The following PRH1 variants were observed in gnomAD, a reference collection of about 807,000 sequenced individuals.
The protein encoded by PRH1 is salivary acidic proline-rich phosphoprotein 1/2.
Under a neutral mutation model 7.9 loss-of-function variants are expected in PRH1, and 7 were observed. The ratio of observed to expected loss-of-function variants is 0.89; its 90% CI spans 0.50 to 1.67. The LOEUF is 1.67. PRH1 is among the 40% of genes most tolerant of loss of function. PRH1 has a pLI of 0.00. For synonymous variants in PRH1, 45 were observed against 80.8 expected, an observed-to-expected ratio of 0.56 and a Z score of 2.38; for missense variants, 109 against 223.6, an observed-to-expected ratio of 0.49 and a Z score of 3.27.
At chr12:11,157,142 G>T (rs564113260) in intron 1 of PRH1, among the ~76,000 whole-genome samples, 1 of 152,276 alleles carries the variant, frequency 6.6e-6, no homozygotes, top group Middle Eastern at 3.4e-3. Context: ...GTCAAGAATA[G>T]AATAAAAGTG....
intron 1 of PRH1, among the ~76,000 whole-genome samples, chr12:11,163,832 T>G (rs1947488853): frequency 6.6e-6 from 1 of 152,062 alleles, no homozygotes; most frequent in Non-Finnish European, 1.5e-5. Flanking sequence ...GTTTCTAAAA[T>G]CTCACATTTG....
At chr12:10,998,627 T>C (rs1940423061) in intron 1 of PRH1, among the ~76,000 whole-genome samples, 1 of 152,078 alleles carries the variant, frequency 6.6e-6, no homozygotes, top group Admixed American at 6.6e-5. Flanking sequence ...CAGGAGCTCG[T>C]CCTGGTGGAA....
intron 2 of PRH1, among the ~76,000 whole-genome samples, chr12:10,940,668 T>A (rs1392817889): frequency 6.6e-6 from 1 of 152,202 alleles, no homozygotes; most frequent in Non-Finnish European, 1.5e-5. Context: ...AAGGATGACA[T>A]ACTGTCTAGC....
intron 2 of PRH1, among the ~76,000 whole-genome samples, chr12:10,928,171 TGAGA>T (rs1371461240): frequency 5.9e-5 from 9 of 152,142 alleles, no homozygotes; most frequent in Admixed American, 3.9e-4. Flanking sequence ...AGAAAGAGAA[TGAGA>T]AAGAATTAGT....
chr12:11,019,717 G>C (rs749526178), intron 1 of PRH1, among the ~76,000 whole-genome samples: 25 of 152,284 alleles, frequency 1.6e-4, no homozygotes, highest in Admixed American at 4.6e-4. Flanking sequence ...CAGTTGCAAA[G>C]TTTGCTAGCT....
intron 1 of PRH1, among the ~76,000 whole-genome samples, chr12:11,020,498 C>T (rs796666118): frequency 0.028 from 614 of 21,980 alleles, no homozygotes; most frequent in East Asian, 0.2. Context: ...AGAATTAACA[C>T]AGTCACACAG....
At chr12:11,042,390 T>A (rs1942741193) in intron 1 of PRH1, among the ~76,000 whole-genome samples, 1 of 143,994 alleles carries the variant, frequency 6.9e-6, no homozygotes, top group African/African-American at 2.6e-5. Flanking sequence ...CCTAGACACA[T>A]ACAACCTACA....
intron 1 of PRH1, among the ~76,000 whole-genome samples, chr12:11,014,838 C>G (rs1169917328): frequency 1.3e-5 from 2 of 152,040 alleles, no homozygotes; most frequent in African/African-American, 4.8e-5. Context: ...AGGGCTCTTA[C>G]AGTAGATAGT....
chr12:10,980,605 A>C (rs780966972), intron 1 of PRH1, among the ~76,000 whole-genome samples: 1 of 152,112 alleles, frequency 6.6e-6, no homozygotes, highest in Non-Finnish European at 1.5e-5. Flanking sequence ...AATCAGCCTT[A>C]TTCCTCTCTA....
At chr12:11,051,840 A>G (rs377056481), upstream of PRH1, among the ~76,000 whole-genome samples, 3 of 152,060 alleles carry the variant, frequency 2.0e-5, no homozygotes, top group East Asian at 1.9e-4. Context: ...TCACTTCTCT[A>G]TGTTTTTTCA....
intron 1 of PRH1, among the ~76,000 whole-genome samples, chr12:11,005,730 T>C (rs138152658): frequency 2.4e-3 from 371 of 152,180 alleles, no homozygotes; most frequent in African/African-American, 8.6e-3. Flanking sequence ...CAGGTTGAAA[T>C]AGCCCTATTT....
intron 1 of PRH1, among the ~76,000 whole-genome samples, chr12:11,065,366 T>C (rs1943763021): frequency 6.7e-6 from 1 of 148,770 alleles, no homozygotes; most frequent in Non-Finnish European, 1.5e-5. Flanking sequence ...TTTACCACTT[T>C]TGGAAAAATC....
chr12:10,971,129 A>G (rs11054121), intron 2 of PRH1, among the ~76,000 whole-genome samples: 36,068 of 151,382 alleles, frequency 0.24, 4,027 homozygotes, highest in Non-Finnish European at 0.25. Context: ...GTCAAAAAAT[A>G]GAATTTTCCA....
At chr12:10,979,613 C>A (rs1273409476) in intron 1 of PRH1, among the ~76,000 whole-genome samples, 1 of 152,190 alleles carries the variant, frequency 6.6e-6, no homozygotes, top group African/African-American at 2.4e-5. Context: ...ACAGCATGAT[C>A]AAATTTGCAC....
chr12:11,152,836 TG>T (rs1947140676), intron 1 of PRH1, among the ~76,000 whole-genome samples: 2 of 152,208 alleles, frequency 1.3e-5, no homozygotes, highest in Non-Finnish European at 2.9e-5. Context: ...TCTTGTATTT[TG>T]ATGATCACCA....
chr12:11,053,200 C>T (rs1316925760), intron 1 of PRH1, among the ~76,000 whole-genome samples: 1 of 152,230 alleles, frequency 6.6e-6, no homozygotes, highest in Non-Finnish European at 1.5e-5. Context: ...TCATTAACCA[C>T]AGATACATCA....
At chr12:11,052,068 T>C (rs111237644), upstream of PRH1, among the ~76,000 whole-genome samples, 1 of 152,284 alleles carries the variant, frequency 6.6e-6, no homozygotes, top group Non-Finnish European at 1.5e-5. Flanking sequence ...AAACACAGTT[T>C]GACTAAATTT....
intron 2 of PRH1, among the ~76,000 whole-genome samples, chr12:10,971,949 T>A (rs1938834503): frequency 6.6e-6 from 1 of 152,168 alleles, no homozygotes; most frequent in Non-Finnish European, 1.5e-5. Flanking sequence ...AATTTTCTAA[T>A]CATTTTTCAT....
chr12:10,955,167 A>G lies in PRH1; in HGVS notation c.-59+18488T>C, dbSNP rs1565497259. On this transcript the variant is annotated intron_variant, in intron 2 of 3. Coordinates refer to the PRH1 transcript ENST00000539853. ...TGCACATGGCATATAATCTAAAATC[A>G]GCCACACAACCTAACATAAAACAAT... is the stretch of plus-strand genomic sequence containing the variant. Among the ~76,000 whole-genome samples the G allele has an allele frequency of 2.6e-5, 4 of 152,314 alleles. 1 individual carries two copies. The South Asian group carries it at 6.2e-4, about 24-fold the overall frequency.
Sources: gnomAD v4.1 joint callset for allele counts (sites outside exome capture counted in the v4.1 genomes callset) on GRCh38, gnomAD v4.1.1 for gene constraint, MANE v1.5 for transcripts, NCBI Gene and HGNC (gene_info 2026-07-23, HGNC 2026-07-21) for gene names.